APBA2: variants seen among roughly 807,000 people sequenced by gnomAD.
APBA2 encodes amyloid beta precursor protein binding family A member 2.
In APBA2, 30 loss-of-function variants were observed where a neutral mutation model predicts 75.0. The observed-to-expected ratio is 0.40, with a 90% CI of 0.30 to 0.54. The LOEUF (loss-of-function observed/expected upper bound fraction) is 0.54. Ranked by LOEUF, APBA2 falls within the 20% of genes least tolerant of loss-of-function variation. APBA2 has a pLI of 0.49. For missense variants in APBA2, 801 were observed against 1,016.1 expected (o/e 0.79, Z 2.88); for synonymous variants, 444 against 409.6 (o/e 1.08, Z -1.01).
At chr15:29,103,640 C>G (rs1004989374) in intron 10 of APBA2, among the ~76,000 whole-genome samples, 1 of 152,152 alleles carries the variant, frequency 6.6e-6, no homozygotes, top group Non-Finnish European at 1.5e-5. Flanking sequence ...GGAGCTTCCG[C>G]GGGGGCGGAG....
chr15:29,089,481 C>T (rs946356367), intron 6 of APBA2, among the ~76,000 whole-genome samples: 1 of 152,206 alleles, frequency 6.6e-6, no homozygotes. Flanking sequence ...CACCCAGCCA[C>T]CTCCTCCCAG....
At chr15:29,061,890 T>C (rs1178205584) in intron 4 of APBA2, among the ~76,000 whole-genome samples, 2 of 152,202 alleles carry the variant, frequency 1.3e-5, no homozygotes, top group Admixed American at 1.3e-4. Context: ...AAGAGTGGCA[T>C]GGGGTTGTTG....
At chr15:29,039,073 C>T (rs1014770825) in intron 3 of APBA2, among the ~76,000 whole-genome samples, 2 of 146,836 alleles carry the variant, frequency 1.4e-5, no homozygotes, top group African/African-American at 5.1e-5. Context: ...TTTGAGCATG[C>T]AGCCTTATTT....
At chr15:28,893,411 G>A (rs528144174) in intron 1 of APBA2, among the ~76,000 whole-genome samples, 3 of 152,208 alleles carry the variant, frequency 2.0e-5, no homozygotes, top group Non-Finnish European at 4.4e-5. Flanking sequence ...TGTGAAAGCC[G>A]TCAGCTGGGT....
At chr15:29,028,822 G>A (rs1337189459) in intron 3 of APBA2, among the ~76,000 whole-genome samples, 1 of 152,108 alleles carries the variant, frequency 6.6e-6, no homozygotes, top group East Asian at 1.9e-4. Context: ...AGAAGTGTCT[G>A]TTCATGTTCT....
At chr15:28,942,295 G>A (rs1376180419) in intron 2 of APBA2, among the ~76,000 whole-genome samples, 8 of 152,120 alleles carry the variant, frequency 5.3e-5, no homozygotes, top group Admixed American at 2.0e-4. Flanking sequence ...GCCATTTCCC[G>A]TGTAATCCTG....
chr15:29,108,507 T>C (rs770812710), intron 13 of APBA2, 118 bp downstream of exon 13: 2 of 1,538,964 alleles, frequency 1.3e-6, no homozygotes, highest in East Asian at 4.5e-5. Flanking sequence ...TGGCCTGTGG[T>C]TGCAGCTGCC....
Position 29,101,631 on chromosome 15 carries a change from C to A in APBA2, c.1371C>A (p.Ile457=), listed in dbSNP as rs2044129128. The A allele has an allele frequency of 6.2e-7, 1 of 1,613,556 alleles. No individual in the cohort carries two copies. The highest frequency in any genetic ancestry group is 1.3e-5 in the African/African-American group (1 of 74,948). The part of the protein sequence containing the change: ...ETMMDHALRT[I]SYIADIGNIV... ...TGATGGACCACGCCTTGCGTACCATCTCCTACATCGCCGACATTGGGAACA... is the reference window on the plus strand; with the variant it reads ...TGATGGACCACGCCTTGCGTACCATATCCTACATCGCCGACATTGGGAACA... The change falls in exon 10 of 15, where the codon ATC becomes ATA. Residue 457 remains isoleucine (I), a synonymous_variant. Transcript: ENST00000683413.
chr15:29,067,253 AATATCCAAACT>A (rs1566967626), intron 4 of APBA2, among the ~76,000 whole-genome samples: 1 of 152,190 alleles, frequency 6.6e-6, no homozygotes, highest in Non-Finnish European at 1.5e-5. Context: ...GGCAGGGACA[AATATCCAAACT>A]ATATCACCCA....
intron 2 of APBA2, among the ~76,000 whole-genome samples, chr15:28,994,646 G>A (rs1411339299): frequency 6.6e-6 from 1 of 152,188 alleles, no homozygotes; most frequent in Non-Finnish European, 1.5e-5. Context: ...GCCATTTTGG[G>A]TGGAGGAAAT....
intron 1 of APBA2, among the ~76,000 whole-genome samples, chr15:28,907,796 G>A (rs781290690): frequency 9.9e-5 from 15 of 152,180 alleles, no homozygotes; most frequent in East Asian, 1.9e-4. Context: ...AACCAGGAGC[G>A]CTTGGGCGAC....
At chr15:28,981,168 C>G (rs2037602698) in intron 2 of APBA2, among the ~76,000 whole-genome samples, 1 of 152,154 alleles carries the variant, frequency 6.6e-6, no homozygotes, top group Non-Finnish European at 1.5e-5. Flanking sequence ...CAAAAATCAA[C>G]AAGTGGAACC....
In APBA2 at chr15:28,959,051, C is replaced by T. The variant is rs139694831; in HGVS notation, c.-94-36702C>T. Among the ~76,000 whole-genome samples, 292 of 152,206 alleles carry T rather than the reference C, an allele frequency of 1.9e-3. 2 individuals carry two copies. The highest frequency in any genetic ancestry group is 3.4e-3 in the Non-Finnish European group (230 of 68,020). Reference sequence around the variant, plus strand: ...GTCGCCAGGCTGGAGTGCAGTGGTGCGACCTTGGTTCACTGCAACCTCCAC... The same window carrying T: ...GTCGCCAGGCTGGAGTGCAGTGGTGTGACCTTGGTTCACTGCAACCTCCAC... On this transcript the variant is annotated intron_variant, in intron 2 of 14. Coordinates refer to ENST00000683413, the MANE Select transcript of APBA2 (RefSeq NM_001353788.2).
intron 6 of APBA2, among the ~76,000 whole-genome samples, chr15:29,092,272 ATTGTCTGG>A (rs2043614694): frequency 6.6e-6 from 1 of 152,122 alleles, no homozygotes; most frequent in Non-Finnish European, 1.5e-5. Context: ...CTGGAGCCTT[ATTGTCTGG>A]CATAGGAGCC....
Position 29,013,568 on chromosome 15 carries a change from A to G in APBA2, c.-41+17762A>G, listed in dbSNP as rs143387491. On this transcript the variant is annotated intron_variant, in intron 3 of 14. Coordinates refer to ENST00000683413, the MANE Select transcript of APBA2 (RefSeq NM_001353788.2). ...AGTGCTGGGATTACAGGCGTGAGCC[A>G]CCGCCCCCGGCCGAAAATGAGTCAT... is the stretch of plus-strand genomic sequence containing the variant. Among the ~76,000 whole-genome samples the G allele has an allele frequency of 2.1e-3, 325 of 152,234 alleles. 1 individual carries two copies. The highest frequency in any genetic ancestry group is 7.5e-3 in the African/African-American group (310 of 41,550).
intron 2 of APBA2, among the ~76,000 whole-genome samples, chr15:28,939,952 T>A (rs1220741088): frequency 6.6e-6 from 1 of 152,134 alleles, no homozygotes; most frequent in Non-Finnish European, 1.5e-5. Context: ...GCAAGTGTAG[T>A]GTACGTGGCT....
chr15:28,889,238 C>A (rs1197455323), intron 1 of APBA2, among the ~76,000 whole-genome samples: 1 of 152,212 alleles, frequency 6.6e-6, no homozygotes, highest in Non-Finnish European at 1.5e-5. Flanking sequence ...CTTCCCCTCT[C>A]TCCCTGTCCA....
At chr15:29,082,504 C>G (rs1260439238) in intron 6 of APBA2, among the ~76,000 whole-genome samples, 1 of 152,156 alleles carries the variant, frequency 6.6e-6, no homozygotes, top group Non-Finnish European at 1.5e-5. Context: ...CCCCATTTCC[C>G]CCACCCCTCA....
chr15:28,962,871 T>C (rs2036549514), intron 2 of APBA2, among the ~76,000 whole-genome samples: 1 of 152,258 alleles, frequency 6.6e-6, no homozygotes, highest in Admixed American at 6.5e-5. Context: ...ATTGGTACTT[T>C]AACCGCTTCC....
Sources: allele counts gnomAD v4.1 joint callset (sites outside exome capture counted in the v4.1 genomes callset), GRCh38; gene constraint gnomAD v4.1.1; transcripts MANE v1.5; gene names NCBI Gene and HGNC (gene_info 2026-07-23, HGNC 2026-07-21).